The following PTPRD variants were observed in gnomAD, a reference collection of about 807,000 sequenced individuals.
The protein encoded by PTPRD is protein tyrosine phosphatase receptor type D, also known as receptor-type tyrosine-protein phosphatase delta.
A neutral mutation model predicts 214.5 loss-of-function variants in PTPRD; 34 were observed. The observed-to-expected ratio is 0.16, with a 90% CI of 0.12 to 0.21. The LOEUF (loss-of-function observed/expected upper bound fraction) is 0.21. Ranked by LOEUF, PTPRD falls within the 10% of genes least tolerant of loss-of-function variation. PTPRD has a pLI of 1.00. For synonymous variants in PTPRD, 1,128 were observed against 845.7 expected (o/e 1.33, Z -5.79); for missense variants, 2,545 against 2,398.7 (o/e 1.06, Z -1.27).
intron 3 of PTPRD, among the ~76,000 whole-genome samples, chr9:10,251,568 T>C (rs1217628362): frequency 6.6e-6 from 1 of 152,194 alleles, no homozygotes. Context: ...TGAATGAGCT[T>C]GTGTAATGTG....
At chr9:8,541,504 A>G (rs2078401217) in intron 14 of PTPRD, among the ~76,000 whole-genome samples, 1 of 152,188 alleles carries the variant, frequency 6.6e-6, no homozygotes, top group African/African-American at 2.4e-5. Flanking sequence ...AGCTAGGACC[A>G]CAAGCACATA....
At chr9:9,287,597 G>T (rs959623412) in intron 9 of PTPRD, among the ~76,000 whole-genome samples, 27 of 151,972 alleles carry the variant, frequency 1.8e-4, no homozygotes, top group African/African-American at 6.5e-4. Flanking sequence ...GAGTCTAAAT[G>T]CTTGTGGATA....
chr9:10,295,635 CA>C (rs1412920993), intron 3 of PTPRD, among the ~76,000 whole-genome samples: 4 of 152,154 alleles, frequency 2.6e-5, no homozygotes, highest in African/African-American at 7.2e-5. Context: ...AATGGTCCTT[CA>C]ATATATCCAT....
intron 3 of PTPRD, among the ~76,000 whole-genome samples, chr9:10,306,270 C>T (rs1161992889): frequency 3.3e-4 from 19 of 58,338 alleles, no homozygotes; most frequent in African/African-American, 1.2e-3. Flanking sequence ...TGGGGCCTGT[C>T]GTGGGGTGGG....
intron 3 of PTPRD, among the ~76,000 whole-genome samples, chr9:10,080,108 A>G (rs1295233825): frequency 1.3e-5 from 2 of 152,104 alleles, no homozygotes; most frequent in African/African-American, 4.8e-5. Context: ...AGTAAAACCT[A>G]AATGCAAAGA....
chr9:8,448,502 T>C (rs2133372526), intron 34 of PTPRD, among the ~76,000 whole-genome samples: 1 of 152,292 alleles, frequency 6.6e-6, no homozygotes, highest in Non-Finnish European at 1.5e-5. Flanking sequence ...ACAAGATGCA[T>C]CCAGAGGGCT....
At chr9:10,100,638 T>C (rs1445603765) in intron 3 of PTPRD, among the ~76,000 whole-genome samples, 2 of 151,714 alleles carry the variant, frequency 1.3e-5, no homozygotes, top group Non-Finnish European at 2.9e-5. Context: ...GTTTTAATAC[T>C]AATGGTAACA....
At chr9:10,126,426 TACACACAC>T (rs57563877) in intron 3 of PTPRD, among the ~76,000 whole-genome samples, 2,583 of 96,218 alleles carry the variant, frequency 0.027, 64 homozygotes, top group African/African-American at 0.061. Flanking sequence ...GTTTTATATA[TACACACAC>T]ACACACACAC....
intron 11 of PTPRD, among the ~76,000 whole-genome samples, chr9:8,859,795 C>A (rs1001060445): frequency 7.8e-6 from 1 of 127,752 alleles, no homozygotes; most frequent in African/African-American, 2.6e-5. Context: ...GTTTAGTTTT[C>A]CAGCAATTTG....
chr9:8,528,213 A>T, intron 15 of PTPRD: 1 of 418,614 alleles, frequency 2.4e-6, no homozygotes. Flanking sequence ...TCTCCTTGCA[A>T]GTTCTGAATG....
chr9:8,497,275 G>T lies in PTPRD; in HGVS notation c.2323-7C>A. The T allele has an allele frequency of 6.3e-7, 1 of 1,594,040 alleles. No individual in the cohort carries two copies. The highest frequency in any genetic ancestry group is 1.2e-5 in the South Asian group (1 of 86,498). The stretch of plus-strand genomic sequence containing the variant: ...TAGTATCATCAAATTCCCACTGATT[G>T]AGAATAAGAAGGTTGGGAGGAAAAC... On this transcript the variant is annotated splice_region_variant and splice_polypyrimidine_tract_variant and intron_variant, in intron 25 of 45. Transcript: ENST00000381196.
At chr9:9,911,850 C>T (rs10978081) in intron 5 of PTPRD, among the ~76,000 whole-genome samples, 1,995 of 151,814 alleles carry the variant, frequency 0.013, 23 homozygotes, top group Non-Finnish European at 0.021. Context: ...TTAATAAAAC[C>T]ACATTTGGAA....
chr9:8,445,689 G>T (rs2095697761), intron 34 of PTPRD, among the ~76,000 whole-genome samples: 1 of 152,002 alleles, frequency 6.6e-6, no homozygotes, highest in Non-Finnish European at 1.5e-5. Flanking sequence ...CCATTTAGGG[G>T]GAGAAAAAAA....
At chr9:10,078,171 T>C (rs1344087725) in intron 3 of PTPRD, among the ~76,000 whole-genome samples, 8 of 151,748 alleles carry the variant, frequency 5.3e-5, no homozygotes, top group Non-Finnish European at 1.0e-4. Flanking sequence ...TATAATCAAA[T>C]ATCTTATACC....
At chr9:8,377,303 G>A (rs1435109700) in intron 37 of PTPRD, among the ~76,000 whole-genome samples, 1 of 152,016 alleles carries the variant, frequency 6.6e-6, no homozygotes, top group Non-Finnish European at 1.5e-5. Context: ...AAAAAGAGTT[G>A]TCTGTTCCTT....
At chr9:10,311,118 C>G (rs2096255888) in intron 3 of PTPRD, among the ~76,000 whole-genome samples, 1 of 151,672 alleles carries the variant, frequency 6.6e-6, no homozygotes, top group Admixed American at 6.6e-5. Flanking sequence ...TTATGCTTTA[C>G]ATGTGGTATG....
At chr9:9,312,745 A>C (rs926833733) in intron 9 of PTPRD, among the ~76,000 whole-genome samples, 12 of 152,202 alleles carry the variant, frequency 7.9e-5, no homozygotes, top group Non-Finnish European at 1.8e-4. Flanking sequence ...AAAATAAATG[A>C]ATGAATGAAT....
At chr9:9,130,204 T>G (rs10124317) in intron 10 of PTPRD, among the ~76,000 whole-genome samples, 5,031 of 152,080 alleles carry the variant, frequency 0.033, 173 homozygotes, top group African/African-American at 0.073. Context: ...TTGACAGGAG[T>G]AAGTCCAGAT....
At chr9:8,826,888 T>C (rs1414224776) in intron 11 of PTPRD, among the ~76,000 whole-genome samples, 1 of 152,076 alleles carries the variant, frequency 6.6e-6, no homozygotes, top group East Asian at 1.9e-4. Context: ...TCTCATCATA[T>C]CTTTAAAAAA....
Sources: allele counts gnomAD v4.1 joint callset (sites outside exome capture counted in the v4.1 genomes callset), GRCh38; gene constraint gnomAD v4.1.1; transcripts MANE v1.5; gene names NCBI Gene and HGNC (gene_info 2026-07-23, HGNC 2026-07-21).